Variants in ANKRD30B observed in about 807,000 individuals in gnomAD.
ANKRD30B encodes the protein ankyrin repeat domain-containing protein 30B.
Under a neutral mutation model 202.2 loss-of-function variants are expected in ANKRD30B, and 144 were observed. That is an observed-to-expected ratio of 0.71 (90% CI 0.62 to 0.82). ANKRD30B has a LOEUF of 0.82. Ranked by LOEUF, ANKRD30B falls within the 40% of genes least tolerant of loss-of-function variation. The pLI is 0.00. For synonymous variants in ANKRD30B, 508 were observed against 561.3 expected, an observed-to-expected ratio of 0.91 and a Z score of 1.34; for missense variants, 1,487 against 1,669.1, an observed-to-expected ratio of 0.89 and a Z score of 1.90.
At chr18:14,909,254 T>A in the ANKRD30B span, among the ~76,000 whole-genome samples, 2 of 152,178 alleles carry the variant, frequency 1.3e-5, no homozygotes, top group Admixed American at 1.3e-4. Flanking sequence ...TGTTTGAAGT[T>A]CCTGTGCTCC....
chr18:14,875,713 C>A, the ANKRD30B span, among the ~76,000 whole-genome samples: 1 of 152,148 alleles, frequency 6.6e-6, no homozygotes, highest in East Asian at 1.9e-4. Context: ...CTTGTTGGTT[C>A]GTTCCACCTG....
chr18:14,883,632 C>G, the ANKRD30B span: 1 of 149,390 alleles, frequency 6.7e-6, no homozygotes, highest in Non-Finnish European at 1.5e-5. Flanking sequence ...CAGCTGGAAT[C>G]TATGATCTTA....
the ANKRD30B span, among the ~76,000 whole-genome samples, chr18:14,862,969 G>T: frequency 6.6e-6 from 1 of 152,192 alleles, no homozygotes; most frequent in East Asian, 1.9e-4. Flanking sequence ...TTGGGAATTG[G>T]AATATTTACC....
Position 14,808,436 on chromosome 18 carries a change from T to C in ANKRD30B, c.2285-115T>C, listed in dbSNP as rs563132004. ...ACCCAAAAGACCCCAAAACCTAGTG[T>C]AATCCCTTTTCAATCCAAGCATGAG... is the stretch of plus-strand genomic sequence containing the variant. On this transcript the variant is annotated intron_variant, in intron 24 of 43. Transcript: ENST00000690538. The C allele has an allele frequency of 8.1e-5, 91 of 1,127,026 alleles. 2 individuals are homozygous for C. The South Asian group carries it at 1.1e-3, about 14-fold the overall frequency. The allele number at this position is 1,127,026 out of a possible 1,614,324, so 69.8% of individuals were successfully genotyped here. A position where few individuals can be genotyped will look rare whatever the true frequency, so the allele number is the denominator to read the frequency against.
the ANKRD30B span, among the ~76,000 whole-genome samples, chr18:14,914,123 G>A: frequency 6.6e-6 from 1 of 152,180 alleles, no homozygotes; most frequent in Non-Finnish European, 1.5e-5. Flanking sequence ...GAATGTCCAT[G>A]ATGCTGATAT....
chr18:14,748,401 C>G lies in ANKRD30B; in HGVS notation c.-19C>G. 1.4e-6 allele frequency: 2 copies of G among 1,461,080 alleles called. No individual in the cohort carries two copies. Among genetic ancestry groups the G allele is most frequent in the Non-Finnish European group, 1.8e-6 (2 of 1,103,332 alleles). 90.5% of individuals were successfully genotyped at this position (1,461,080 alleles called of 1,614,324 possible). A position where few individuals can be genotyped will look rare whatever the true frequency, so the allele number is the denominator to read the frequency against. On this transcript the variant is annotated 5_prime_UTR_variant, in exon 1 of 44. Transcript: ENST00000690538. ...GGCGAGCGGGAGGCGCGGGCTCTCTCTAGCAGGGGGCTGCAGCCATGAAGA... is the reference window on the plus strand; with the variant it reads ...GGCGAGCGGGAGGCGCGGGCTCTCTGTAGCAGGGGGCTGCAGCCATGAAGA...
chr18:14,912,286 T>C, the ANKRD30B span, among the ~76,000 whole-genome samples: 1 of 152,210 alleles, frequency 6.6e-6, no homozygotes, highest in Non-Finnish European at 1.5e-5. Context: ...TGATGAGCTG[T>C]ATTCCTTCTA....
chr18:14,781,626 C>G (rs1967760205), intron 11 of ANKRD30B, among the ~76,000 whole-genome samples: 2 of 25,264 alleles, frequency 7.9e-5, no homozygotes, highest in African/African-American at 2.5e-4. Context: ...GCACTCCTCT[C>G]CAGGAGGCAC....
the ANKRD30B span, among the ~76,000 whole-genome samples, chr18:14,865,796 G>C: frequency 6.6e-6 from 1 of 152,102 alleles, no homozygotes; most frequent in Admixed American, 6.5e-5. Context: ...CTGCAGGGAG[G>C]CCAGCCATGG....
At position 14,784,459 on chromosome 18, in the gene ANKRD30B, T is replaced by G. The variant is rs769473150; in HGVS notation, c.1600-4T>G. The G allele has an allele frequency of 2.5e-6, 4 of 1,613,244 alleles. No homozygotes were observed. In the Admixed American group the frequency reaches 5.0e-5, roughly 20 times the overall value. ...TTGATCATTTTTCTTCCAAACCCAT[T>G]TAGCCTGCCGTTGAAATGCAAAAGA... On this transcript the variant is annotated splice_polypyrimidine_tract_variant and splice_region_variant and intron_variant, in intron 13 of 43. Coordinates refer to ENST00000690538, the MANE Select transcript of ANKRD30B (RefSeq NM_001367607.2).
rs945143577 is a variant in ANKRD30B, at chr18:14,748,232, G to A, written c.-188G>A. ...CTCAGAATTTCTCCCGACAGAGGCC[G>A]GAGTGTTCAAGAGCTTGGCGATACA... On this transcript the variant is annotated 5_prime_UTR_variant, in exon 1 of 44. Coordinates refer to ENST00000690538, the MANE Select transcript of ANKRD30B (RefSeq NM_001367607.2). 7.8e-6 allele frequency: 4 copies of A among 511,040 alleles called. No individual in the cohort carries two copies. Among genetic ancestry groups the A allele is most frequent in the African/African-American group, 3.9e-5 (2 of 51,636 alleles). 31.7% of individuals were successfully genotyped at this position (511,040 alleles called of 1,614,324 possible).
chr18:14,887,291 C>G, the ANKRD30B span, among the ~76,000 whole-genome samples: 1 of 152,070 alleles, frequency 6.6e-6, no homozygotes, highest in Non-Finnish European at 1.5e-5. Flanking sequence ...GCATTGTGCT[C>G]TTGCATCTAA....
intron 5 of ANKRD30B, 118 bp from the exon 6 acceptor site, chr18:14,760,436 A>G (rs894794731): frequency 1.7e-6 from 1 of 578,294 alleles, no homozygotes. Flanking sequence ...TGAAATAAGT[A>G]ACATTCTGAT....
At chr18:14,883,403 ATATATATATATATATATATATATC>A in the ANKRD30B span, 21 of 45,134 alleles carry the variant, frequency 4.7e-4, no homozygotes, top group Non-Finnish European at 8.0e-4. Flanking sequence ...CTCTCTCTAT[ATATATATATATATATATATATATC>A]TATATATATC....
intron 16 of ANKRD30B, among the ~76,000 whole-genome samples, chr18:14,793,330 T>A (rs1968650328): frequency 6.6e-6 from 1 of 152,170 alleles, no homozygotes; most frequent in Non-Finnish European, 1.5e-5. Flanking sequence ...AAGAACATGA[T>A]AAATATTTGT....
At chr18:14,817,995 G>C (rs9748546) in intron 30 of ANKRD30B, among the ~76,000 whole-genome samples, 87,020 of 151,830 alleles carry the variant, frequency 0.57, 25,686 homozygotes, top group African/African-American at 0.72. Flanking sequence ...AATCATCTCT[G>C]AAGGGAAACA....
intron 32 of ANKRD30B, among the ~76,000 whole-genome samples, chr18:14,827,957 G>A (rs1266390012): frequency 6.6e-6 from 1 of 152,112 alleles, no homozygotes; most frequent in African/African-American, 2.4e-5. Flanking sequence ...TTTTACTATA[G>A]TCTCAACGTA....
At chr18:14,847,050 T>TTTTA (rs1555672629) in intron 39 of ANKRD30B, among the ~76,000 whole-genome samples, 66 of 111,064 alleles carry the variant, frequency 5.9e-4, no homozygotes, top group African/African-American at 1.7e-3. Flanking sequence ...TGATTTAGTT[T>TTTTA]TATATATATA....
chr18:14,879,808 C>A, the ANKRD30B span, among the ~76,000 whole-genome samples: 21 of 152,014 alleles, frequency 1.4e-4, no homozygotes, highest in Middle Eastern at 3.4e-3. Context: ...GGTCAGGGGT[C>A]AGGGTCAGGG....
Sources: gnomAD v4.1 joint callset for allele counts (sites outside exome capture counted in the v4.1 genomes callset) on GRCh38, gnomAD v4.1.1 for gene constraint, MANE v1.5 for transcripts, NCBI Gene and HGNC (gene_info 2026-07-23, HGNC 2026-07-21) for gene names.